Variants in SAMMSON observed in about 807,000 individuals in gnomAD.
The protein encoded by SAMMSON is survival associated mitochondrial melanoma specific oncogenic non-coding RNA.
chr3:70,390,890 T>C (rs958688009), downstream of SAMMSON, among the ~76,000 whole-genome samples: 15 of 152,194 alleles, frequency 9.9e-5, no homozygotes, highest in Admixed American at 9.8e-4. Flanking sequence ...GGTGTATGTG[T>C]AGGAGATTAA....
chr3:70,344,554 AG>A (rs1441652208), intron 7 of SAMMSON, among the ~76,000 whole-genome samples: 1 of 152,218 alleles, frequency 6.6e-6, no homozygotes, highest in Non-Finnish European at 1.5e-5. Flanking sequence ...GGGTATGAAG[AG>A]GGCACTGAGC....
intron 3 of SAMMSON, among the ~76,000 whole-genome samples, chr3:70,065,493 G>T (rs1012742849): frequency 5.3e-5 from 8 of 151,832 alleles, no homozygotes. Context: ...TTCAAGGCAA[G>T]AAAGAAAGAA....
intron 4 of SAMMSON, among the ~76,000 whole-genome samples, chr3:70,164,972 CT>C (rs1165505069): frequency 6.6e-6 from 1 of 152,006 alleles, no homozygotes; most frequent in Non-Finnish European, 1.5e-5. Context: ...GCATTAGTAT[CT>C]GCAGTTTCAA....
intron 4 of SAMMSON, among the ~76,000 whole-genome samples, chr3:70,102,365 C>A (rs879175592): frequency 6.6e-6 from 1 of 152,082 alleles, no homozygotes; most frequent in Admixed American, 6.5e-5. Context: ...AATTTGGCAT[C>A]AAAAAACTGT....
chr3:70,350,889 G>A (rs909894803), intron 7 of SAMMSON, among the ~76,000 whole-genome samples: 1 of 152,080 alleles, frequency 6.6e-6, no homozygotes, highest in African/African-American at 2.4e-5. Context: ...ATGAGCAAAA[G>A]CCAATCTTGC....
chr3:70,036,424 C>T (rs764792585), intron 3 of SAMMSON, among the ~76,000 whole-genome samples: 1 of 152,306 alleles, frequency 6.6e-6, no homozygotes, highest in Non-Finnish European at 1.5e-5. Context: ...ATTGATATCA[C>T]TCTCAGATGA....
intron 6 of SAMMSON, among the ~76,000 whole-genome samples, chr3:70,285,628 G>A (rs1403849052): frequency 2.7e-5 from 4 of 150,620 alleles, no homozygotes; most frequent in South Asian, 2.1e-4. Flanking sequence ...CTGAGGAATC[G>A]CCACACTGAC....
chr3:70,352,939 A>C (rs371158116), intron 7 of SAMMSON, among the ~76,000 whole-genome samples: 1 of 152,128 alleles, frequency 6.6e-6, no homozygotes, highest in Non-Finnish European at 1.5e-5. Context: ...AATATACGTA[A>C]CTGACTTTTG....
intron 3 of SAMMSON, among the ~76,000 whole-genome samples, chr3:70,043,582 C>A (rs2067113594): frequency 1.3e-5 from 2 of 152,080 alleles, no homozygotes; most frequent in South Asian, 4.1e-4. Flanking sequence ...TCCTTAATCT[C>A]CACTGGGTAC....
chr3:70,373,976 G>A (rs548877682), intron 9 of SAMMSON, among the ~76,000 whole-genome samples: 179 of 152,270 alleles, frequency 1.2e-3, no homozygotes, highest in African/African-American at 3.7e-3. Flanking sequence ...GTGCAATGGC[G>A]CCATCTCGGC....
intron 2 of SAMMSON, among the ~76,000 whole-genome samples, chr3:70,403,346 A>C (rs1701155496): frequency 6.6e-6 from 1 of 152,196 alleles, no homozygotes; most frequent in African/African-American, 2.4e-5. Context: ...CAAATTTGGA[A>C]ACAGGCACAA....
chr3:70,107,924 G>T (rs757302418), intron 4 of SAMMSON, among the ~76,000 whole-genome samples: 58 of 151,976 alleles, frequency 3.8e-4, no homozygotes, highest in Non-Finnish European at 6.9e-4. Context: ...ACATCTTCCT[G>T]GATCATCAGT....
intron 3 of SAMMSON, among the ~76,000 whole-genome samples, chr3:70,021,835 A>G (rs2067014456): frequency 6.6e-6 from 1 of 152,216 alleles, no homozygotes. Flanking sequence ...TAAAAAAACT[A>G]GCTTGCAGCT....
In SAMMSON at chr3:70,116,296, T is replaced by C. The variant is rs545702153; in HGVS notation, n.507+44731T>C. On this transcript the variant is annotated intron_variant and non_coding_transcript_variant, in intron 4 of 9. Coordinates refer to ENST00000642114, the Ensembl canonical transcript of SAMMSON. ...TTAGGAGAAGGGCGATGCTTTCTTT[T>C]TTTTTTTTTTTTTTAAAGAAAATAG... 8.8e-4 allele frequency among the ~76,000 whole-genome samples: 132 copies of C among 150,754 alleles called. 1 individual carries two copies. The highest frequency in any genetic ancestry group is 5.5e-3 in the South Asian group (26 of 4,770).
chr3:70,432,791 A>G (rs918561935), intron 2 of SAMMSON, among the ~76,000 whole-genome samples: 2 of 152,012 alleles, frequency 1.3e-5, no homozygotes, highest in African/African-American at 4.8e-5. Flanking sequence ...TGCCCTAAAA[A>G]TACCCCGTGC....
At chr3:70,116,771 T>G (rs1305906701) in intron 4 of SAMMSON, among the ~76,000 whole-genome samples, 3 of 152,122 alleles carry the variant, frequency 2.0e-5, no homozygotes, top group Non-Finnish European at 4.4e-5. Context: ...AAAAGGACCT[T>G]ATCAAGGAGA....
In SAMMSON at chr3:70,087,025, A is replaced by G. The variant is rs572370312; in HGVS notation, n.507+15460A>G. On this transcript the variant is annotated intron_variant and non_coding_transcript_variant, in intron 4 of 9. Coordinates refer to ENST00000642114, the Ensembl canonical transcript of SAMMSON. ...TGTTTGATTGAAAAGTTGAAGCACC[A>G]TATAACCCCTTTCTGAACCTGAAAG... 1.4e-4 allele frequency among the ~76,000 whole-genome samples: 22 copies of G among 152,294 alleles called. 1 individual carries two copies. The South Asian group carries it at 3.9e-3, about 27-fold the overall frequency.
intron 4 of SAMMSON, among the ~76,000 whole-genome samples, chr3:70,188,726 C>A: frequency 6.6e-6 from 1 of 152,196 alleles, no homozygotes; most frequent in East Asian, 1.9e-4. Context: ...TGAATCATCT[C>A]TTTTACTCCT....
chr3:70,391,827 C>G (rs961830542), downstream of SAMMSON, among the ~76,000 whole-genome samples: 24 of 152,108 alleles, frequency 1.6e-4, no homozygotes, highest in African/African-American at 5.8e-4. Flanking sequence ...ACTGACGCAT[C>G]ATGGCAATAT....
Sources: allele counts gnomAD v4.1 joint callset (sites outside exome capture counted in the v4.1 genomes callset), GRCh38; gene constraint gnomAD v4.1.1; transcripts MANE v1.5; gene names NCBI Gene and HGNC (gene_info 2026-07-23, HGNC 2026-07-21).